MGAM: variants seen among roughly 807,000 people sequenced by gnomAD.
The protein encoded by MGAM is maltase-glucoamylase.
Under a neutral mutation model 358.8 loss-of-function variants are expected in MGAM, and 253 were observed. The observed-to-expected ratio is 0.71, with a 90% CI of 0.64 to 0.78. The LOEUF is 0.78. Ranked by LOEUF, MGAM falls within the 30% of genes least tolerant of loss-of-function variation. MGAM has a pLI of 0.00. For missense variants in MGAM, 3,080 were observed against 3,432.6 expected (o/e 0.90, Z 2.57); for synonymous variants, 1,105 against 1,227.1 (o/e 0.90, Z 2.08).
At chr7:142,092,339 T>C (rs1329289794) in intron 58 of MGAM, among the ~76,000 whole-genome samples, 182 bp from the exon 59 acceptor site, 1 of 145,666 alleles carries the variant, frequency 6.9e-6, no homozygotes. Context: ...TCTAGCCAGT[T>C]GTTCTGTAGG....
rs578038898 is a variant in MGAM at position 141,987,869 on chromosome 7, A to G, written c.-2-17660A>G. On this transcript the variant is annotated intron_variant, in intron 2 of 5. Transcript: ENST00000465654. ...ATTAAATTAGTATGACTTTAACCCCACCACTATATGAGTGACCTTTAGCAA... is the reference window on the plus strand; with the variant it reads ...ATTAAATTAGTATGACTTTAACCCCGCCACTATATGAGTGACCTTTAGCAA... Among the ~76,000 whole-genome samples, 200 of 152,212 alleles carry G rather than the reference A, an allele frequency of 1.3e-3. 1 individual carries two copies. Among genetic ancestry groups the G allele is most frequent in the African/African-American group, 4.6e-3 (193 of 41,518 alleles).
At chr7:142,024,437 A>G (rs1425195553) in intron 7 of MGAM, among the ~76,000 whole-genome samples, 4 of 151,006 alleles carry the variant, frequency 2.6e-5, no homozygotes, top group Non-Finnish European at 5.9e-5. Flanking sequence ...AAAAATCTGC[A>G]TTTAACTAAA....
intron 3 of MGAM, among the ~76,000 whole-genome samples, chr7:142,017,719 TA>T (rs1806084847): frequency 6.6e-6 from 1 of 152,198 alleles, no homozygotes; most frequent in Non-Finnish European, 1.5e-5. Flanking sequence ...TACGGCAGTA[TA>T]AACCACATAT....
chr7:142,029,930 G>A lies in MGAM; in HGVS notation c.1222-432G>A, dbSNP rs543602049. ...AACAACAAAGATGTGGGGTAGAAGC[G>A]AAGTAACAAAATAAAATGTGGGGTA... is the stretch of plus-strand genomic sequence containing the variant. On this transcript the variant is annotated intron_variant, in intron 10 of 70. Transcript: ENST00000475668. 2.0e-5 allele frequency among the ~76,000 whole-genome samples: 3 copies of A among 152,258 alleles called. No homozygotes were observed. In the East Asian group the frequency reaches 5.8e-4, roughly 29 times the overall value.
intron 21 of MGAM, 94 bp from the exon 22 acceptor site, chr7:142,047,691 C>G: frequency 8.2e-7 from 1 of 1,223,686 alleles, no homozygotes; most frequent in Non-Finnish European, 1.2e-6. Flanking sequence ...CTGCTAGTAA[C>G]TTTTCCAATT....
At chr7:142,065,532 G>C (rs1812645474) in intron 38 of MGAM, 56 bp from the exon 39 acceptor site, 2 of 1,613,902 alleles carry the variant, frequency 1.2e-6, no homozygotes, top group Admixed American at 1.7e-5. Flanking sequence ...TTAGGGAAGA[G>C]GTGAGGAGGC....
At chr7:142,037,079 T>C (rs183446475) in intron 18 of MGAM, 102 bp downstream of exon 18, 2 of 1,188,704 alleles carry the variant, frequency 1.7e-6, no homozygotes, top group Admixed American at 2.0e-5. Flanking sequence ...CAGGCAGTTA[T>C]TCATATCTAT....
chr7:142,036,087 C>CA, intron 16 of MGAM, 82 bp from the exon 17 acceptor site: 1 of 1,039,712 alleles, frequency 9.6e-7, no homozygotes. Flanking sequence ...AAGCAAGGTT[C>CA]AGTTGGGAGG....
At chr7:141,998,623 A>G (rs1162708709) in intron 1 of MGAM, among the ~76,000 whole-genome samples, 1 of 152,180 alleles carries the variant, frequency 6.6e-6, no homozygotes, top group Admixed American at 6.5e-5. Flanking sequence ...TTCATGGTGT[A>G]TATGTGCCAC....
intron 1 of MGAM, among the ~76,000 whole-genome samples, chr7:141,997,877 G>A (rs1387003670): frequency 6.6e-6 from 1 of 152,144 alleles, no homozygotes; most frequent in Admixed American, 6.5e-5. Flanking sequence ...CAGCATTTTT[G>A]ATGAATAGCT....
chr7:142,055,473 T>C (rs749553649), intron 27 of MGAM, 85 bp from the exon 28 acceptor site: 9 of 1,509,504 alleles, frequency 6.0e-6, no homozygotes, highest in Non-Finnish European at 8.3e-6. Flanking sequence ...AGGAATCAAG[T>C]GTTCTGTTGT....
chr7:142,031,366 C>T (rs1807472889), intron 12 of MGAM, among the ~76,000 whole-genome samples: 1 of 152,182 alleles, frequency 6.6e-6, no homozygotes, highest in African/African-American at 2.4e-5. Context: ...TTACACAATG[C>T]TCTTCCCCCA....
In MGAM at chr7:142,076,775, T is replaced by C; in HGVS notation, c.5442T>C (p.Asn1814=). The C allele has an allele frequency of 3.2e-6, 5 of 1,555,336 alleles. 1 individual carries two copies. Among genetic ancestry groups the C allele is most frequent in the Non-Finnish European group, 4.4e-6 (5 of 1,131,714 alleles). The change falls in exon 47 of 71, where the codon AAT becomes AAC. Residue 1814 remains asparagine (N), a synonymous_variant. Transcript: ENST00000475668. Reference sequence around the variant, plus strand: ...CTAGCAATGTTACGGTGAAACACAATGGTGTCCCAAGTCAGACTTCTCCTA... The same window carrying C: ...CTAGCAATGTTACGGTGAAACACAACGGTGTCCCAAGTCAGACTTCTCCTA... ...EEPSNVTVKH[N]GVPSQTSPTV... is the part of the protein sequence containing the mutation.
In MGAM at chr7:142,060,111, A is replaced by C. The variant is rs1811983560; in HGVS notation, c.4059+145A>C. On this transcript the variant is annotated intron_variant, in intron 33 of 70. Coordinates refer to ENST00000475668, the MANE Select transcript of MGAM (RefSeq NM_001365693.1). ...TGAGGTCAGAAGCTCTCCTTTTCTCAATCAATATTTGTTGATACAATTAAC... is the reference window on the plus strand; with the variant it reads ...TGAGGTCAGAAGCTCTCCTTTTCTCCATCAATATTTGTTGATACAATTAAC... The C allele has an allele frequency of 3.9e-6, 5 of 1,275,608 alleles. No individual in the cohort carries two copies. The Admixed American group carries it at 9.4e-5, about 24-fold the overall frequency. 79.0% of individuals were successfully genotyped at this position (1,275,608 alleles called of 1,614,324 possible).
Position 142,103,623 on chromosome 7 carries a change from G to T in MGAM, c.8184+184G>T, listed in dbSNP as rs145225855. Among the ~76,000 whole-genome samples, 243 of 152,198 alleles carry T rather than the reference G, an allele frequency of 1.6e-3. 4 individuals carry two copies. The South Asian group carries it at 0.035, about 22-fold the overall frequency. Reference sequence around the variant, plus strand: ...GAAAAATCATGGTTTATCATCATTTGGAATCCATGGCCTGGATTCTTACTT... The same window carrying T: ...GAAAAATCATGGTTTATCATCATTTTGAATCCATGGCCTGGATTCTTACTT... On this transcript the variant is annotated intron_variant, in intron 70 of 70. Coordinates refer to ENST00000475668, the MANE Select transcript of MGAM (RefSeq NM_001365693.1).
chr7:141,996,535 T>C (rs1804254131), intron 1 of MGAM, among the ~76,000 whole-genome samples: 1 of 152,090 alleles, frequency 6.6e-6, no homozygotes, highest in African/African-American at 2.4e-5. Flanking sequence ...AATACTTAGG[T>C]TGAGGTAGCA....
rs769319704 is a variant in MGAM, at chr7:142,056,949, G to A, written c.3693+7G>A. On this transcript the variant is annotated splice_region_variant and intron_variant, in intron 30 of 70. Transcript: ENST00000475668. ...CACCCAGCAGTACACTGAGGTAGGGGGAAATCCAATTGTTTATCAAGTACT... is the reference window on the plus strand; with the variant it reads ...CACCCAGCAGTACACTGAGGTAGGGAGAAATCCAATTGTTTATCAAGTACT... 1.4e-5 allele frequency: 22 copies of A among 1,612,594 alleles called. 1 individual carries two copies. In the East Asian group the frequency reaches 1.6e-4, roughly 11 times the overall value.
rs550469388 is a variant in MGAM at position 142,102,600 on chromosome 7, G to A, written c.7964-30G>A. The A allele has an allele frequency of 1.4e-5, 23 of 1,607,274 alleles. No individual in the cohort carries two copies. The African/African-American group carries it at 2.3e-4, about 16-fold the overall frequency. On this transcript the variant is annotated intron_variant, in intron 68 of 70. Coordinates refer to ENST00000475668, the MANE Select transcript of MGAM (RefSeq NM_001365693.1). ...CATAGAGTTCTACAGCACAGGTCCA[G>A]GCCATGTTTATCTTGTTTTTTGTTT...
chr7:142,029,054 C>T (rs1807219726), intron 10 of MGAM, among the ~76,000 whole-genome samples: 1 of 152,054 alleles, frequency 6.6e-6, no homozygotes, highest in South Asian at 2.1e-4. Context: ...CTCCATTTTA[C>T]TATTAGAATT....
Sources: allele counts gnomAD v4.1 joint callset (sites outside exome capture counted in the v4.1 genomes callset), GRCh38; gene constraint gnomAD v4.1.1; transcripts MANE v1.5; gene names NCBI Gene and HGNC (gene_info 2026-07-23, HGNC 2026-07-21).